TOX: variants seen among roughly 807,000 people sequenced by gnomAD.
The protein encoded by TOX is thymocyte selection associated high mobility group box, also known as thymocyte selection-associated high mobility group box protein TOX.
TOX carries 11 observed loss-of-function variants against 53.7 expected under a neutral mutation model. The observed-to-expected ratio is 0.20, with a 90% CI of 0.13 to 0.34. TOX has a LOEUF of 0.34. Among genes scored for constraint, TOX ranks in the 10% least tolerant of loss-of-function variants. The probability of loss-of-function intolerance (pLI) is 1.00; values close to 1 mark genes in which losing one functional copy is unlikely to be tolerated. For synonymous variants in TOX, 225 were observed against 245.3 expected, an observed-to-expected ratio of 0.92 and a Z score of 0.77; for missense variants, 570 against 664.6, an observed-to-expected ratio of 0.86 and a Z score of 1.56.
intron 3 of TOX, among the ~76,000 whole-genome samples, chr8:58,926,511 A>G (rs1229476356): frequency 3.9e-5 from 6 of 152,226 alleles, no homozygotes; most frequent in Non-Finnish European, 8.8e-5. Context: ...TGCATATAGA[A>G]TATGCAGTTT....
chr8:58,906,711 ACATTTTTTTTCTC>A (rs961776541), intron 3 of TOX, among the ~76,000 whole-genome samples: 1 of 152,216 alleles, frequency 6.6e-6, no homozygotes, highest in Non-Finnish European at 1.5e-5. Flanking sequence ...TATAAACGCT[ACATTTTTTTTCTC>A]CATCTCAGTG....
intron 1 of TOX, among the ~76,000 whole-genome samples, chr8:58,970,755 TTTTA>T (rs1429866577): frequency 6.6e-6 from 1 of 152,254 alleles, no homozygotes; most frequent in Non-Finnish European, 1.5e-5. Flanking sequence ...GCTTAGCACA[TTTTA>T]TTTAGTCAAT....
At chr8:59,043,067 C>A (rs1294499779) in intron 1 of TOX, among the ~76,000 whole-genome samples, 1 of 152,078 alleles carries the variant, frequency 6.6e-6, no homozygotes, top group Non-Finnish European at 1.5e-5. Context: ...ACTTTGTACC[C>A]TTTAACCAAA....
chr8:58,813,800 A>G (rs1810125245), intron 7 of TOX, among the ~76,000 whole-genome samples: 1 of 152,230 alleles, frequency 6.6e-6, no homozygotes, highest in Non-Finnish European at 1.5e-5. Context: ...GTTCTTCATA[A>G]CGACTTTGAT....
rs371904617 is a variant in TOX, at chr8:58,902,585, A to G, written c.411+36717T>C. On this transcript the variant is annotated intron_variant, in intron 3 of 8. Coordinates refer to ENST00000361421, the MANE Select transcript of TOX (RefSeq NM_014729.3). Reference sequence around the variant, plus strand: ...GCCTACTTTGCATTTGGCATCATGGAACTTTTATAATAAAGATGAATCTTA... The same window carrying G: ...GCCTACTTTGCATTTGGCATCATGGGACTTTTATAATAAAGATGAATCTTA... 4.1e-4 allele frequency among the ~76,000 whole-genome samples: 63 copies of G among 152,328 alleles called. 1 individual carries two copies. Among genetic ancestry groups the G allele is most frequent in the African/African-American group, 1.4e-3 (60 of 41,582 alleles).
intron 3 of TOX, among the ~76,000 whole-genome samples, chr8:58,860,108 G>T (rs970751733): frequency 2.0e-5 from 3 of 152,170 alleles, no homozygotes; most frequent in Non-Finnish European, 2.9e-5. Flanking sequence ...CATTTTATTC[G>T]ATTTTTTTCC....
chr8:59,017,921 A>G (rs1000896801), intron 1 of TOX, among the ~76,000 whole-genome samples: 7 of 152,196 alleles, frequency 4.6e-5, no homozygotes, highest in African/African-American at 1.4e-4. Context: ...TCAACTGCTT[A>G]CATTGATGTG....
At chr8:58,814,544 C>T (rs947171590) in intron 7 of TOX, 12 of 152,070 alleles carry the variant, frequency 7.9e-5, no homozygotes, top group South Asian at 2.1e-4. Context: ...ACTGCCACTG[C>T]GCAAAGCTGC....
intron 5 of TOX, among the ~76,000 whole-genome samples, chr8:58,832,892 T>A (rs748172123): frequency 6.6e-6 from 1 of 152,190 alleles, no homozygotes; most frequent in Non-Finnish European, 1.5e-5. Context: ...ATGGCTAATA[T>A]CCTTGGATAT....
chr8:58,883,196 C>T (rs557910755), intron 3 of TOX, among the ~76,000 whole-genome samples: 3 of 152,314 alleles, frequency 2.0e-5, no homozygotes, highest in African/African-American at 4.8e-5. Context: ...GAAGTCCCCA[C>T]ATTCTGCTCA....
intron 1 of TOX, among the ~76,000 whole-genome samples, chr8:59,070,736 T>G (rs1161049109): frequency 6.6e-6 from 1 of 152,192 alleles, no homozygotes; most frequent in Non-Finnish European, 1.5e-5. Context: ...AGAAAGTATT[T>G]GTTCATTTAG....
chr8:58,972,639 A>G (rs957232505), intron 1 of TOX, among the ~76,000 whole-genome samples: 2 of 152,202 alleles, frequency 1.3e-5, no homozygotes, highest in Admixed American at 1.3e-4. Flanking sequence ...TTCTAGTTCA[A>G]CAATTACATA....
chr8:58,846,467 C>G (rs540184581), intron 4 of TOX, among the ~76,000 whole-genome samples: 1 of 152,000 alleles, frequency 6.6e-6, no homozygotes, highest in African/African-American at 2.4e-5. Context: ...TTTGTAGAAA[C>G]CTGTCTGTTT....
chr8:58,870,723 A>G (rs1200840819), intron 3 of TOX, among the ~76,000 whole-genome samples: 1 of 152,084 alleles, frequency 6.6e-6, no homozygotes, highest in African/African-American at 2.4e-5. Context: ...CCAGAAATAG[A>G]TCCACACAAA....
intron 3 of TOX, among the ~76,000 whole-genome samples, chr8:58,894,187 G>C (rs1347615827): frequency 2.0e-5 from 3 of 152,214 alleles, no homozygotes; most frequent in Non-Finnish European, 4.4e-5. Context: ...AAGTTGCCAT[G>C]CCATGCGACA....
intron 1 of TOX, among the ~76,000 whole-genome samples, chr8:59,052,099 C>T (rs1195515448): frequency 6.6e-6 from 1 of 152,058 alleles, no homozygotes; most frequent in East Asian, 1.9e-4. Flanking sequence ...TGGATGAGAT[C>T]CGAATATATG....
At chr8:59,077,596 C>A (rs548593199) in intron 1 of TOX, among the ~76,000 whole-genome samples, 1 of 152,218 alleles carries the variant, frequency 6.6e-6, no homozygotes, top group East Asian at 1.9e-4. Context: ...GTTCTCCTGG[C>A]ACTGAGATCT....
chr8:58,852,352 T>C (rs1810838701), intron 3 of TOX, among the ~76,000 whole-genome samples: 1 of 152,200 alleles, frequency 6.6e-6, no homozygotes, highest in Non-Finnish European at 1.5e-5. Flanking sequence ...AATGATCTCC[T>C]AACTACCAGA....
chr8:58,894,664 C>T (rs757678912), intron 3 of TOX, among the ~76,000 whole-genome samples: 4 of 151,946 alleles, frequency 2.6e-5, no homozygotes, highest in Admixed American at 6.6e-5. Flanking sequence ...GAGGCCGACG[C>T]GGGTGGATCA....
Sources: gnomAD v4.1 joint callset for allele counts (sites outside exome capture counted in the v4.1 genomes callset) on GRCh38, gnomAD v4.1.1 for gene constraint, MANE v1.5 for transcripts, NCBI Gene and HGNC (gene_info 2026-07-23, HGNC 2026-07-21) for gene names.